OCM: variants seen among roughly 807,000 people sequenced by gnomAD.
OCM encodes oncomodulin-1.
A neutral mutation model predicts 14.1 loss-of-function variants in OCM; 18 were observed. The ratio of observed to expected loss-of-function variants is 1.28; its 90% CI spans 0.88 to 1.89. OCM has a LOEUF of 1.89. Ranked by LOEUF, OCM falls within the 40% of genes most tolerant of loss-of-function variation. The pLI is 0.00. For missense variants in OCM, 140 were observed against 137.6 expected (o/e 1.02, Z -0.09); for synonymous variants, 48 against 51.0 (o/e 0.94, Z 0.25).
chr7:5,874,149 C>T, the OCM span, among the ~76,000 whole-genome samples: 17 of 134,972 alleles, frequency 1.3e-4, no homozygotes, highest in South Asian at 2.4e-4. Context: ...TCGTGAACCT[C>T]GGAGGTGGAG....
At chr7:5,861,421 TA>T in the OCM span, among the ~76,000 whole-genome samples, 340 of 140,992 alleles carry the variant, frequency 2.4e-3, no homozygotes, top group Non-Finnish European at 2.2e-3. Context: ...AATTCTGTCT[TA>T]AAAAAAAAAA....
chr7:5,884,729 C>T (rs1156902314), intron 3 of OCM, among the ~76,000 whole-genome samples: 1 of 135,240 alleles, frequency 7.4e-6, no homozygotes, highest in African/African-American at 2.6e-5. Flanking sequence ...AAAAAAAAAC[C>T]TGTTCAAAAT....
At chr7:5,877,437 C>T (rs2128605914), upstream of OCM, among the ~76,000 whole-genome samples, 1 of 152,074 alleles carries the variant, frequency 6.6e-6, no homozygotes, top group Admixed American at 6.6e-5. Context: ...TACCACATTC[C>T]AGCCCGAAGA....
chr7:5,867,934 C>A, the OCM span, among the ~76,000 whole-genome samples: 1 of 151,854 alleles, frequency 6.6e-6, no homozygotes, highest in East Asian at 1.9e-4. Context: ...GATGGGGTTC[C>A]ACCATGTTGT....
the OCM span, among the ~76,000 whole-genome samples, chr7:5,870,180 C>T: frequency 6.6e-6 from 1 of 152,062 alleles, no homozygotes; most frequent in Admixed American, 6.6e-5. Context: ...GATCATGGCT[C>T]ACTGCAGCCT....
chr7:5,883,962 G>A lies in OCM; in HGVS notation c.267G>A (p.Ala89=), dbSNP rs143656106. ...TESETKSLMA[A]ADNDGDGKIG... Reference sequence around the variant, plus strand: ...CAGAAACCAAGTCCTTGATGGCTGCGGCGGATAATGATGGAGATGGGAAAA... The same window carrying A: ...CAGAAACCAAGTCCTTGATGGCTGCAGCGGATAATGATGGAGATGGGAAAA... Residue 89 remains alanine (A), a synonymous_variant, in exon 3 of 4, where the codon GCG becomes GCA. Transcript: ENST00000242104. 2,279 of 1,613,346 alleles carry A rather than the reference G, an allele frequency of 1.4e-3. 29 individuals are homozygous for A. In the African/African-American group the frequency reaches 0.027, roughly 19 times the overall value.
At chr7:5,860,424 C>T in the OCM span, among the ~76,000 whole-genome samples, 5 of 135,908 alleles carry the variant, frequency 3.7e-5, no homozygotes, top group South Asian at 2.3e-4. Context: ...ATATATATTA[C>T]GTATATATGC....
intron 1 of OCM, among the ~76,000 whole-genome samples, chr7:5,881,879 G>C (rs1478731045): frequency 6.6e-6 from 1 of 151,790 alleles, no homozygotes; most frequent in African/African-American, 2.4e-5. Context: ...TTGAGGTCAG[G>C]AGTTCAAGAC....
the OCM span, among the ~76,000 whole-genome samples, chr7:5,867,141 T>G: frequency 6.6e-6 from 1 of 152,190 alleles, no homozygotes; most frequent in Non-Finnish European, 1.5e-5. Context: ...TCATTTTCCT[T>G]GCAGTTCTTT....
chr7:5,861,108 G>A, the OCM span, among the ~76,000 whole-genome samples: 2 of 151,946 alleles, frequency 1.3e-5, no homozygotes, highest in Admixed American at 6.6e-5. Flanking sequence ...GGATGGGAGG[G>A]AGATGTGCTT....
the OCM span, among the ~76,000 whole-genome samples, chr7:5,873,249 A>T: frequency 6.6e-6 from 1 of 152,018 alleles, no homozygotes; most frequent in African/African-American, 2.4e-5. Flanking sequence ...GGTGGCGCAC[A>T]CCTGTAAATC....
chr7:5,865,410 G>A, the OCM span, among the ~76,000 whole-genome samples: 25 of 152,226 alleles, frequency 1.6e-4, no homozygotes, highest in Admixed American at 1.2e-3. Flanking sequence ...ACGCTAAGAG[G>A]CATCAAAACC....
At chr7:5,866,011 G>A in the OCM span, among the ~76,000 whole-genome samples, 2 of 151,956 alleles carry the variant, frequency 1.3e-5, no homozygotes, top group Non-Finnish European at 2.9e-5. Context: ...AATAGCATAG[G>A]TATTTGTACA....
At chr7:5,860,603 CGT>C in the OCM span, among the ~76,000 whole-genome samples, 13 of 27,724 alleles carry the variant, frequency 4.7e-4, 3 homozygotes, top group South Asian at 2.4e-3. Context: ...TGTATATATA[CGT>C]GTGTATATAT....
At position 5,880,828 on chromosome 7, in the gene OCM, G is replaced by C; in HGVS notation, c.-62G>C. ...GGCCTGGGAAGATGTGTTTCCCCTG[G>C]ATGTGCACATTCCTGTTTGTGGCTT... On this transcript the variant is annotated 5_prime_UTR_variant, in exon 1 of 4. Transcript: ENST00000242104. 6.7e-7 allele frequency: 1 copy of C among 1,498,366 alleles called. No homozygotes were observed. Among genetic ancestry groups the C allele is most frequent in the Non-Finnish European group, 9.3e-7 (1 of 1,075,274 alleles). The allele number at this position is 1,498,366 out of a possible 1,614,324, so 92.8% of individuals were successfully genotyped here. A position where few individuals can be genotyped will look rare whatever the true frequency, so the allele number is the denominator to read the frequency against.
In OCM at chr7:5,883,302, G is replaced by T. The variant is rs146644213; in HGVS notation, c.195-588G>T. The stretch of plus-strand genomic sequence containing the variant: ...GGAGGCAGAGGTTGCAGTGAGCCCA[G>T]ATCGTGCAGCTGCACTCCAGCCTGG... On this transcript the variant is annotated intron_variant, in intron 2 of 3. Transcript: ENST00000242104. Among the ~76,000 whole-genome samples the T allele has an allele frequency of 1.8e-3, 274 of 152,302 alleles. 1 individual carries two copies. Among genetic ancestry groups the T allele is most frequent in the South Asian group, 5.4e-3 (26 of 4,826 alleles).
the OCM span, among the ~76,000 whole-genome samples, chr7:5,863,961 A>G: frequency 2.6e-5 from 4 of 151,944 alleles, no homozygotes; most frequent in African/African-American, 9.7e-5. Flanking sequence ...AGTTAAGGAG[A>G]AGGCAAGGTC....
upstream of OCM, among the ~76,000 whole-genome samples, chr7:5,879,232 T>TG (rs1781159204): frequency 6.6e-6 from 1 of 152,196 alleles, no homozygotes; most frequent in Non-Finnish European, 1.5e-5. Flanking sequence ...TGTCTAGTCC[T>TG]GGCCTCAGCC....
At chr7:5,875,716 G>A (rs1781082390), upstream of OCM, among the ~76,000 whole-genome samples, 1 of 152,010 alleles carries the variant, frequency 6.6e-6, no homozygotes, top group African/African-American at 2.4e-5. Flanking sequence ...TTTAAAAAAT[G>A]TTTTATCTCT....
Sources: allele counts gnomAD v4.1 joint callset (sites outside exome capture counted in the v4.1 genomes callset), GRCh38; gene constraint gnomAD v4.1.1; transcripts MANE v1.5; gene names NCBI Gene and HGNC (gene_info 2026-07-23, HGNC 2026-07-21).